NPSR1: variants seen among roughly 807,000 people sequenced by gnomAD.
The protein encoded by NPSR1 is neuropeptide S receptor.
In NPSR1, 48 loss-of-function variants were observed where a neutral mutation model predicts 46.9. The observed-to-expected ratio is 1.02, with a 90% CI of 0.81 to 1.30. The LOEUF (loss-of-function observed/expected upper bound fraction) is 1.30. Ranked by LOEUF, NPSR1 falls within the 50% of genes most tolerant of loss-of-function variation. NPSR1 has a pLI of 0.00. For synonymous variants in NPSR1, 176 were observed against 168.1 expected (o/e 1.05, Z -0.36); for missense variants, 450 against 449.5 (o/e 1.00, Z -0.01).
At chr7:34,831,786 C>G (rs772176964) in intron 5 of NPSR1, among the ~76,000 whole-genome samples, 5 of 151,896 alleles carry the variant, frequency 3.3e-5, no homozygotes, top group Non-Finnish European at 7.4e-5. Context: ...TTTTCATTCT[C>G]TTATCATTTT....
At chr7:34,794,601 C>A (rs548827842) in intron 3 of NPSR1, among the ~76,000 whole-genome samples, 1 of 152,138 alleles carries the variant, frequency 6.6e-6, no homozygotes, top group African/African-American at 2.4e-5. Context: ...GAGTATTCCA[C>A]CAAACATTTA....
At chr7:34,682,862 T>C (rs1478887013) in intron 1 of NPSR1, among the ~76,000 whole-genome samples, 1 of 152,096 alleles carries the variant, frequency 6.6e-6, no homozygotes, top group Non-Finnish European at 1.5e-5. Context: ...AGAGAAAAAG[T>C]GTGTGGCTTG....
intron 6 of NPSR1, among the ~76,000 whole-genome samples, chr7:34,840,700 C>T (rs1004928549): frequency 4.1e-4 from 62 of 152,218 alleles, no homozygotes; most frequent in African/African-American, 1.4e-3. Context: ...GCTGCCCAGC[C>T]GGAGCCCCTC....
downstream of NPSR1, among the ~76,000 whole-genome samples, chr7:34,854,773 C>A (rs1378332605): frequency 1.3e-5 from 2 of 152,044 alleles, no homozygotes; most frequent in Non-Finnish European, 2.9e-5. Context: ...CAGGAATGAT[C>A]TGGATAATTT....
chr7:34,685,698 C>G (rs1792890105), intron 2 of NPSR1: 2 of 426,592 alleles, frequency 4.7e-6, no homozygotes, highest in Admixed American at 5.6e-5. Context: ...ACAAGAGAAT[C>G]TTAGCCATAC....
Position 34,743,901 on chromosome 7 carries a change from G to T in NPSR1, c.281-34561G>T, listed in dbSNP as rs191775785. On this transcript the variant is annotated intron_variant, in intron 2 of 8. Coordinates refer to ENST00000360581, the MANE Select transcript of NPSR1 (RefSeq NM_207172.2). ...TTTGAATCAGATGAAATGACATATG[G>T]TCTAATATATAATAATCTGATACTC... Among the ~76,000 whole-genome samples the T allele has an allele frequency of 7.9e-5, 12 of 152,080 alleles. No homozygotes were observed. In the South Asian group the frequency reaches 1.0e-3, roughly 13 times the overall value.
intron 2 of NPSR1, among the ~76,000 whole-genome samples, chr7:34,732,121 C>A (rs1360037640): frequency 6.7e-6 from 1 of 150,132 alleles, no homozygotes; most frequent in Non-Finnish European, 1.5e-5. Context: ...ACTTGGAATT[C>A]TCAGTTTGTA....
chr7:34,788,920 C>T (rs1787593869), intron 3 of NPSR1, among the ~76,000 whole-genome samples: 1 of 151,792 alleles, frequency 6.6e-6, no homozygotes, highest in Admixed American at 6.6e-5. Flanking sequence ...AAACAAGTCA[C>T]AACAAAATTA....
At chr7:34,877,530 G>A (rs536756357) in intron 8 of NPSR1, among the ~76,000 whole-genome samples, 3 of 152,300 alleles carry the variant, frequency 2.0e-5, no homozygotes, top group East Asian at 1.9e-4. Flanking sequence ...AAAGCTGGAC[G>A]GAGCAATAGT....
At chr7:34,831,339 AC>A (rs1790109513) in intron 5 of NPSR1, among the ~76,000 whole-genome samples, 1 of 151,234 alleles carries the variant, frequency 6.6e-6, no homozygotes, top group Non-Finnish European at 1.5e-5. Context: ...ACACACACAC[AC>A]AAACACACGT....
chr7:34,729,019 A>C (rs763344699), intron 2 of NPSR1, among the ~76,000 whole-genome samples: 12 of 152,326 alleles, frequency 7.9e-5, no homozygotes, highest in South Asian at 4.1e-4. Flanking sequence ...GAACATTAAT[A>C]CAGGAATCCA....
intron 1 of NPSR1, among the ~76,000 whole-genome samples, chr7:34,662,837 C>T (rs770299795): frequency 2.0e-5 from 3 of 152,138 alleles, no homozygotes; most frequent in Non-Finnish European, 4.4e-5. Flanking sequence ...AATTTCCAAA[C>T]TATAGACGCT....
At chr7:34,857,194 A>G (rs1584148796) in intron 8 of NPSR1, among the ~76,000 whole-genome samples, 2 of 151,736 alleles carry the variant, frequency 1.3e-5, no homozygotes, top group East Asian at 1.9e-4. Flanking sequence ...AAGATAATCA[A>G]TTTTCAAATT....
intron 7 of NPSR1, 133 bp downstream of exon 7, chr7:34,845,115 G>GA (rs1790697647): frequency 1.4e-6 from 1 of 694,100 alleles, no homozygotes; most frequent in African/African-American, 1.8e-5. Flanking sequence ...AGGAATGTGT[G>GA]AAACTCATCA....
intron 2 of NPSR1, among the ~76,000 whole-genome samples, chr7:34,770,862 C>T (rs1455932110): frequency 6.6e-6 from 1 of 152,158 alleles, no homozygotes; most frequent in Non-Finnish European, 1.5e-5. Flanking sequence ...TTAGGTCATT[C>T]TCTTCCAAGA....
At chr7:34,799,416 T>C (rs1232051312) in intron 3 of NPSR1, among the ~76,000 whole-genome samples, 1 of 152,002 alleles carries the variant, frequency 6.6e-6, no homozygotes, top group Non-Finnish European at 1.5e-5. Context: ...GGATTCAACA[T>C]TCTTAAAGAA....
Position 34,827,483 on chromosome 7 carries a change from G to A in NPSR1, c.561G>A (p.Lys187=), listed in dbSNP as rs750824201. 3.1e-6 allele frequency: 5 copies of A among 1,614,082 alleles called. No homozygotes were observed. The highest frequency in any genetic ancestry group is 4.2e-6 in the Non-Finnish European group (5 of 1,179,972). ...FSIPTLIIFG[K]RTLSNGEVQC... is the part of the protein sequence containing the mutation. Reference sequence around the variant, plus strand: ...TTCCCACCCTGATCATATTTGGGAAGAGGACACTGTCCAACGGTGAAGTGC... The same window carrying A: ...TTCCCACCCTGATCATATTTGGGAAAAGGACACTGTCCAACGGTGAAGTGC... Residue 187 remains lysine, a synonymous_variant, in exon 5 of 9, where the codon AAG becomes AAA. Transcript: ENST00000360581.
chr7:34,750,709 A>G, intron 2 of NPSR1: 3 of 698,802 alleles, frequency 4.3e-6, no homozygotes, highest in South Asian at 4.2e-5. Flanking sequence ...TATCTCCAAA[A>G]CAGTCAAAAT....
At chr7:34,842,068 C>T (rs1790584116) in intron 6 of NPSR1, among the ~76,000 whole-genome samples, 1 of 152,254 alleles carries the variant, frequency 6.6e-6, no homozygotes, top group South Asian at 2.1e-4. Context: ...ACCTGAAATA[C>T]TGTTAAAACT....
Sources: allele counts gnomAD v4.1 joint callset (sites outside exome capture counted in the v4.1 genomes callset), GRCh38; gene constraint gnomAD v4.1.1; transcripts MANE v1.5; gene names NCBI Gene and HGNC (gene_info 2026-07-23, HGNC 2026-07-21).